SCN2A: variants seen among roughly 807,000 people sequenced by gnomAD.
SCN2A encodes the protein sodium voltage-gated channel alpha subunit 2, also known as sodium channel protein type 2 subunit alpha.
SCN2A carries 20 observed loss-of-function variants against 188.7 expected under a neutral mutation model. The observed-to-expected ratio is 0.11, with a 90% confidence interval of 0.07 to 0.15. SCN2A has a LOEUF of 0.15. Among genes scored for constraint, SCN2A ranks in the 10% least tolerant of loss-of-function variants. The pLI is 1.00. For synonymous variants in SCN2A, 804 were observed against 833.1 expected (o/e 0.97, Z 0.60); for missense variants, 1,278 against 2,445.0 (o/e 0.52, Z 10.07).
intron 1 of SCN2A, among the ~76,000 whole-genome samples, chr2:165,289,449 G>A (rs115331732): frequency 3.3e-3 from 509 of 151,966 alleles, no homozygotes; most frequent in African/African-American, 0.012. Context: ...AAATAATATC[G>A]TTTGCCTTTC....
At chr2:165,267,593 T>C (rs983718327) in intron 1 of SCN2A, 1 of 151,806 alleles carries the variant, frequency 6.6e-6, no homozygotes, top group Non-Finnish European at 1.5e-5. Context: ...CAATGATTTT[T>C]TGAATCTGAC....
chr2:165,332,185 G>A (rs1350308529), intron 14 of SCN2A, among the ~76,000 whole-genome samples: 3 of 151,782 alleles, frequency 2.0e-5, no homozygotes, highest in South Asian at 2.1e-4. Context: ...AGAAAATCAC[G>A]CAAAAAAGTA....
intron 13 of SCN2A, among the ~76,000 whole-genome samples, chr2:165,329,258 T>A (rs1698544214): frequency 6.6e-6 from 1 of 152,176 alleles, no homozygotes; most frequent in South Asian, 2.1e-4. Flanking sequence ...GCGTTTCAAA[T>A]TTTTAAAAGT....
intron 5 of SCN2A, 70 bp downstream of exon 5, chr2:165,308,864 T>C (rs1574555482): frequency 6.3e-6 from 10 of 1,584,778 alleles, no homozygotes; most frequent in Non-Finnish European, 8.6e-7. Context: ...TATATTTTCC[T>C]TGGTGGCTTG....
rs1178289931 is a variant in SCN2A, at chr2:165,265,471, C to CTATATATATATATATATATATATATA, written c.-52+25851_-52+25876dup. Reference sequence around the variant, plus strand: ...TAGGTTATGTGTTTACTCTGTTGATCTATATATATATATATATATATATAT... The same window carrying CTATATATATATATATATATATATATA: ...TAGGTTATGTGTTTACTCTGTTGATCTATATATATATATATATATATATATATATATATATATATATATATATATAT... On this transcript the variant is annotated intron_variant, in intron 1 of 26. Coordinates refer to ENST00000375437, the MANE Select transcript of SCN2A (RefSeq NM_001040142.2). Among the ~76,000 whole-genome samples, 2 of 29,018 alleles carry CTATATATATATATATATATATATATA rather than the reference C, an allele frequency of 6.9e-5. 1 individual carries two copies. The highest frequency in any genetic ancestry group is 1.3e-4 in the Non-Finnish European group (2 of 15,306). The allele number at this position is 29,018 out of a possible 152,430, so 19.0% of individuals were successfully genotyped here.
At chr2:165,315,802 T>TA in intron 11 of SCN2A, 44 bp downstream of exon 11, 1 of 1,594,500 alleles carries the variant, frequency 6.3e-7, no homozygotes, top group South Asian at 1.1e-5. Flanking sequence ...ATAAATTTTT[T>TA]AAAAAAATAT....
chr2:165,256,030 GTC>G (rs1310346801), intron 1 of SCN2A, among the ~76,000 whole-genome samples: 2 of 114,808 alleles, frequency 1.7e-5, no homozygotes, highest in East Asian at 5.5e-4. Context: ...TGGTGATGGA[GTC>G]TCTCGCTCTG....
chr2:165,308,073 G>T (rs1697234540), intron 4 of SCN2A, 136 bp downstream of exon 4: 1 of 733,076 alleles, frequency 1.4e-6, no homozygotes, highest in Non-Finnish European at 2.5e-6. Flanking sequence ...ATTCATTTCT[G>T]TCACTAAATG....
chr2:165,271,753 A>G (rs1695114975), intron 1 of SCN2A: 1 of 151,994 alleles, frequency 6.6e-6, no homozygotes, highest in African/African-American at 2.4e-5. Flanking sequence ...CACTGTTCCA[A>G]TTTCTATCAC....
intron 11 of SCN2A, among the ~76,000 whole-genome samples, chr2:165,321,396 T>C (rs1698068837): frequency 6.6e-6 from 1 of 152,210 alleles, no homozygotes; most frequent in African/African-American, 2.4e-5. Context: ...GTTATCCAGT[T>C]CCAAAGCTGC....
chr2:165,264,107 C>T (rs181834938), intron 1 of SCN2A, among the ~76,000 whole-genome samples: 3 of 152,230 alleles, frequency 2.0e-5, no homozygotes, highest in Admixed American at 1.3e-4. Context: ...GTTTGACCTC[C>T]TCTTTACCAA....
chr2:165,380,097 C>T (rs767893592), intron 23 of SCN2A, among the ~76,000 whole-genome samples: 1 of 151,848 alleles, frequency 6.6e-6, no homozygotes, highest in African/African-American at 2.4e-5. Context: ...GCAATTACTA[C>T]TGGCCGCCAC....
chr2:165,254,821 A>G (rs1000307216), intron 1 of SCN2A, among the ~76,000 whole-genome samples: 2 of 151,772 alleles, frequency 1.3e-5, no homozygotes, highest in African/African-American at 4.8e-5. Flanking sequence ...ACGTACTACT[A>G]TTAACTTTAT....
chr2:165,252,092 G>A (rs1694121866), intron 1 of SCN2A, among the ~76,000 whole-genome samples: 1 of 151,836 alleles, frequency 6.6e-6, no homozygotes, highest in Admixed American at 6.6e-5. Flanking sequence ...ATCTTATATT[G>A]TTGGTGTCTG....
At chr2:165,369,320 C>T (rs879507821) in intron 19 of SCN2A, among the ~76,000 whole-genome samples, 4 of 152,176 alleles carry the variant, frequency 2.6e-5, no homozygotes, top group Admixed American at 1.3e-4. Flanking sequence ...TTCTCAGTTA[C>T]ACCCAGTCAG....
At chr2:165,314,874 T>C (rs1697647768) in intron 10 of SCN2A, among the ~76,000 whole-genome samples, 1 of 152,186 alleles carries the variant, frequency 6.6e-6, no homozygotes, top group Non-Finnish European at 1.5e-5. Context: ...TATATTGCTG[T>C]AATAGCAACA....
Position 165,389,746 on chromosome 2 carries a change from A to C in SCN2A, c.5940A>C (p.Lys1980Asn). 1 of 1,613,430 alleles carries C rather than the reference A, an allele frequency of 6.2e-7. No homozygotes were observed. The highest frequency in any genetic ancestry group is 8.5e-7 in the Non-Finnish European group (1 of 1,179,826). The change falls in exon 27 of 27, where the codon AAA becomes AAC. Residue 1980 changes from lysine to asparagine, a missense_variant. Coordinates refer to ENST00000375437, the MANE Select transcript of SCN2A (RefSeq NM_001040142.2). The surrounding 1 kb of genome is among the most constrained non-coding windows in gnomAD (Gnocchi z 4.2). ...CACCCTCGTATGATAGTGTGACCAA[A>C]CCAGAAAAAGAAAAATTTGAAAAAG... ...TSPPSYDSVT[K>N]PEKEKFEKDK...
At chr2:165,244,964 TATC>T (rs1056180484) in intron 1 of SCN2A, among the ~76,000 whole-genome samples, 2 of 127,660 alleles carry the variant, frequency 1.6e-5, no homozygotes, top group African/African-American at 3.0e-5. Flanking sequence ...GTGCTTGAAA[TATC>T]ATGAAAAAAA....
At chr2:165,247,310 A>G (rs979410788) in intron 1 of SCN2A, among the ~76,000 whole-genome samples, 17 of 152,044 alleles carry the variant, frequency 1.1e-4, no homozygotes, top group South Asian at 2.1e-4. Context: ...TGTCTTTGCA[A>G]TAATACTTAA....
Sources: allele counts gnomAD v4.1 joint callset (sites outside exome capture counted in the v4.1 genomes callset), GRCh38; gene constraint gnomAD v4.1.1; non-coding constraint Gnocchi (gnomAD v3.1); transcripts MANE v1.5; gene names NCBI Gene and HGNC (gene_info 2026-07-23, HGNC 2026-07-21).